Variants in FIRRM observed in about 807,000 individuals in gnomAD.
FIRRM encodes the protein FIGNL1 interacting regulator of recombination and mitosis, also known as FIGNL1-interacting regulator of recombination and mitosis.
At chr1:169,826,281 A>T in the FIRRM span, among the ~76,000 whole-genome samples, 1 of 151,446 alleles carries the variant, frequency 6.6e-6, no homozygotes, top group Non-Finnish European at 1.5e-5. Flanking sequence ...CATGTTTGTC[A>T]GGCTGGTCTT....
the FIRRM span, among the ~76,000 whole-genome samples, chr1:169,844,005 A>G: frequency 2.6e-5 from 4 of 152,148 alleles, no homozygotes; most frequent in East Asian, 1.9e-4. Context: ...TGAGCAGTCA[A>G]TACTTTTTGT....
chr1:169,823,831 C>T, the FIRRM span, among the ~76,000 whole-genome samples: 1 of 152,054 alleles, frequency 6.6e-6, no homozygotes. Context: ...CACTTAGCCT[C>T]CATTTAAATT....
At chr1:169,836,116 G>C in the FIRRM span, among the ~76,000 whole-genome samples, 3 of 149,030 alleles carry the variant, frequency 2.0e-5, no homozygotes, top group Non-Finnish European at 4.4e-5. Flanking sequence ...TCATCAAGTA[G>C]ATTTTGAATA....
At chr1:169,819,045 C>T in the FIRRM span, among the ~76,000 whole-genome samples, 1 of 152,094 alleles carries the variant, frequency 6.6e-6, no homozygotes, top group Non-Finnish European at 1.5e-5. Context: ...AGGAACAGGG[C>T]CAGGAAAGCA....
chr1:169,854,029 T>C, the FIRRM span: 3 of 570,094 alleles, frequency 5.3e-6, no homozygotes. Flanking sequence ...CTTATTTTAA[T>C]CCCTTTTTTT....
chr1:169,831,669 C>A, the FIRRM span, among the ~76,000 whole-genome samples: 3 of 152,092 alleles, frequency 2.0e-5, no homozygotes, highest in Non-Finnish European at 4.4e-5. Context: ...TCTTCTAGTT[C>A]ATTATGATAA....
At chr1:169,814,514 T>C in the FIRRM span, among the ~76,000 whole-genome samples, 1 of 152,212 alleles carries the variant, frequency 6.6e-6, no homozygotes, top group African/African-American at 2.4e-5. Flanking sequence ...AGTTTGTCTC[T>C]CCAGTAAGTA....
the FIRRM span, among the ~76,000 whole-genome samples, chr1:169,840,667 C>T: frequency 1.8e-3 from 274 of 151,938 alleles, 1 homozygote; most frequent in African/African-American, 6.0e-3. Context: ...CCCGCCAACA[C>T]GCCCGGCTAA....
the FIRRM span, among the ~76,000 whole-genome samples, chr1:169,798,375 C>T: frequency 1.2e-4 from 18 of 151,294 alleles, no homozygotes; most frequent in African/African-American, 4.4e-4. Flanking sequence ...TCAAGTGATT[C>T]TCCTGCCTCA....
the FIRRM span, among the ~76,000 whole-genome samples, chr1:169,824,495 CCTTT>C: frequency 6.7e-6 from 1 of 150,326 alleles, no homozygotes; most frequent in Non-Finnish European, 1.5e-5. Flanking sequence ...CGTTTCTCTG[CCTTT>C]CTTTACAGCA....
At chr1:169,824,297 T>G in the FIRRM span, among the ~76,000 whole-genome samples, 1 of 152,206 alleles carries the variant, frequency 6.6e-6, no homozygotes, top group Non-Finnish European at 1.5e-5. Context: ...CCATTGTGCA[T>G]TGGATTTCAT....
the FIRRM span, among the ~76,000 whole-genome samples, chr1:169,821,473 A>G: frequency 6.6e-6 from 1 of 152,146 alleles, no homozygotes; most frequent in African/African-American, 2.4e-5. Context: ...GTAGAATTTA[A>G]TTTAATACCT....
the FIRRM span, chr1:169,842,307 G>A: frequency 3.9e-6 from 4 of 1,017,924 alleles, no homozygotes; most frequent in Non-Finnish European, 5.5e-6. Context: ...ATTCTACATG[G>A]ACTTTATGAA....
chr1:169,830,266 C>T, the FIRRM span: 1 of 1,610,660 alleles, frequency 6.2e-7, no homozygotes, highest in East Asian at 2.2e-5. Context: ...TAGGATGCTG[C>T]TCTGCTGAAT....
the FIRRM span, chr1:169,843,612 C>A: frequency 1.1e-6 from 1 of 943,994 alleles, no homozygotes; most frequent in Non-Finnish European, 1.7e-6. Flanking sequence ...TCAATAAAAG[C>A]TTGCTATTAT....
At chr1:169,819,268 ATC>A in the FIRRM span, among the ~76,000 whole-genome samples, 2 of 152,198 alleles carry the variant, frequency 1.3e-5, no homozygotes, top group African/African-American at 4.8e-5. Context: ...TGGGAGTTGT[ATC>A]TCTCAATGGG....
the FIRRM span, chr1:169,853,236 T>TAAAC: frequency 2.1e-6 from 1 of 466,696 alleles, no homozygotes; most frequent in Non-Finnish European, 3.8e-6. Context: ...AGTCTAACTG[T>TAAAC]AAACAAATAA....
chr1:169,804,899 T>A, the FIRRM span, among the ~76,000 whole-genome samples: 2 of 152,186 alleles, frequency 1.3e-5, no homozygotes, highest in Admixed American at 1.3e-4. Context: ...GCCAGGCTGG[T>A]CTTGAACTCC....
At chr1:169,835,513 A>G in the FIRRM span, among the ~76,000 whole-genome samples, 17 of 152,288 alleles carry the variant, frequency 1.1e-4, no homozygotes, top group African/African-American at 4.1e-4. Context: ...TGCATTTTAA[A>G]CCCACAAGTG....
Sources: allele counts gnomAD v4.1 joint callset (sites outside exome capture counted in the v4.1 genomes callset), GRCh38; gene constraint gnomAD v4.1.1; transcripts MANE v1.5; gene names NCBI Gene and HGNC (gene_info 2026-07-23, HGNC 2026-07-21).